Variants in CDH13 observed in about 807,000 individuals in gnomAD.
The protein encoded by CDH13 is cadherin 13.
A neutral mutation model predicts 63.8 loss-of-function variants in CDH13; 24 were observed. That is an observed-to-expected ratio of 0.38 (90% CI 0.27 to 0.53). CDH13 has a LOEUF of 0.53. CDH13 is among the 20% of genes least tolerant of loss of function. The pLI is 0.85. For synonymous variants in CDH13, 503 were observed against 355.3 expected, an observed-to-expected ratio of 1.42 and a Z score of -4.67; for missense variants, 1,049 against 903.1, an observed-to-expected ratio of 1.16 and a Z score of -2.07.
chr16:83,651,856 A>G (rs1157067743), intron 8 of CDH13, among the ~76,000 whole-genome samples: 1 of 151,982 alleles, frequency 6.6e-6, no homozygotes, highest in African/African-American at 2.4e-5. Context: ...CAGCCTCCCA[A>G]AGTGCTGGAA....
intron 2 of CDH13, among the ~76,000 whole-genome samples, chr16:82,979,891 G>T (rs1264248804): frequency 6.6e-6 from 1 of 152,158 alleles, no homozygotes; most frequent in African/African-American, 2.4e-5. Flanking sequence ...ACCATTTTAG[G>T]AAATCTTGGA....
At chr16:83,118,750 G>C (rs141645128) in intron 3 of CDH13, among the ~76,000 whole-genome samples, 114 of 152,152 alleles carry the variant, frequency 7.5e-4, no homozygotes, top group African/African-American at 2.7e-3. Flanking sequence ...TTACAGATGA[G>C]AAAATTTCCT....
chr16:82,805,396 A>T (rs2037090464), intron 1 of CDH13, among the ~76,000 whole-genome samples: 2 of 152,222 alleles, frequency 1.3e-5, no homozygotes, highest in Non-Finnish European at 2.9e-5. Context: ...TCCTTGTCTT[A>T]TCTCAGCTAT....
At chr16:82,675,871 C>T (rs757466820) in intron 1 of CDH13, among the ~76,000 whole-genome samples, 1 of 152,264 alleles carries the variant, frequency 6.6e-6, no homozygotes, top group Non-Finnish European at 1.5e-5. Flanking sequence ...TTGCTCTTTC[C>T]GCGCTAAGCA....
At chr16:83,427,156 C>T (rs1391220438) in intron 6 of CDH13, among the ~76,000 whole-genome samples, 7 of 151,760 alleles carry the variant, frequency 4.6e-5, no homozygotes, top group Non-Finnish European at 8.8e-5. Context: ...CCTGGTGATC[C>T]GCCTGCCTCA....
At chr16:82,734,226 G>A (rs2033553277) in intron 1 of CDH13, among the ~76,000 whole-genome samples, 1 of 152,196 alleles carries the variant, frequency 6.6e-6, no homozygotes, top group Non-Finnish European at 1.5e-5. Flanking sequence ...ATTAGTTTAT[G>A]CACTATCTGT....
chr16:82,711,489 G>T (rs1274054660), intron 1 of CDH13, among the ~76,000 whole-genome samples: 2 of 152,116 alleles, frequency 1.3e-5, no homozygotes, highest in African/African-American at 2.4e-5. Context: ...TCTGTTTTAG[G>T]CATGTGGGTT....
At chr16:83,415,129 A>T (rs2092181379) in intron 6 of CDH13, among the ~76,000 whole-genome samples, 1 of 152,038 alleles carries the variant, frequency 6.6e-6, no homozygotes, top group Non-Finnish European at 1.5e-5. Flanking sequence ...AGAGACCCCT[A>T]TGAACAGTTC....
chr16:82,957,765 A>G (rs1273228005), intron 2 of CDH13, among the ~76,000 whole-genome samples: 3 of 152,264 alleles, frequency 2.0e-5, no homozygotes, highest in Admixed American at 6.5e-5. Context: ...ATATCTAGAA[A>G]TTACCTAGGA....
At chr16:82,991,447 C>T (rs997075167) in intron 2 of CDH13, among the ~76,000 whole-genome samples, 1 of 152,158 alleles carries the variant, frequency 6.6e-6, no homozygotes, top group African/African-American at 2.4e-5. Flanking sequence ...ACACAGATTT[C>T]AACTCCTTCA....
At chr16:83,169,105 A>G (rs2037811024) in intron 4 of CDH13, among the ~76,000 whole-genome samples, 1 of 152,148 alleles carries the variant, frequency 6.6e-6, no homozygotes, top group Non-Finnish European at 1.5e-5. Context: ...GCAAAGAAAT[A>G]ACACTATGGT....
At chr16:82,967,501 C>T (rs1463482277) in intron 2 of CDH13, among the ~76,000 whole-genome samples, 1 of 152,174 alleles carries the variant, frequency 6.6e-6, no homozygotes, top group Non-Finnish European at 1.5e-5. Flanking sequence ...TAAGTGATTA[C>T]TCTGTATGTG....
chr16:83,709,915 A>T (rs570854754), intron 10 of CDH13, among the ~76,000 whole-genome samples: 1 of 152,246 alleles, frequency 6.6e-6, no homozygotes, highest in African/African-American at 2.4e-5. Flanking sequence ...TGTAGAAAGA[A>T]CAGAGATATT....
At chr16:83,526,274 G>A (rs867437201) in intron 7 of CDH13, among the ~76,000 whole-genome samples, 1 of 152,104 alleles carries the variant, frequency 6.6e-6, no homozygotes, top group African/African-American at 2.4e-5. Context: ...AAAAGTGCCA[G>A]CTCTCAAGCT....
At chr16:82,904,560 A>C (rs1402833945) in intron 2 of CDH13, among the ~76,000 whole-genome samples, 1 of 152,170 alleles carries the variant, frequency 6.6e-6, no homozygotes, top group African/African-American at 2.4e-5. Context: ...CCCCAACCTA[A>C]TACCTCCCAG....
At chr16:83,617,736 T>C (rs1034985852) in intron 8 of CDH13, among the ~76,000 whole-genome samples, 1 of 151,760 alleles carries the variant, frequency 6.6e-6, no homozygotes, top group Non-Finnish European at 1.5e-5. Flanking sequence ...ATATCTATTC[T>C]AATATGCACA....
chr16:83,665,743 T>A (rs946557219), intron 8 of CDH13, among the ~76,000 whole-genome samples: 7 of 152,248 alleles, frequency 4.6e-5, no homozygotes, highest in Non-Finnish European at 8.8e-5. Flanking sequence ...TCCTTTAAAC[T>A]TGTCCTCTGT....
At chr16:83,462,627 C>G in intron 6 of CDH13, among the ~76,000 whole-genome samples, 1 of 152,078 alleles carries the variant, frequency 6.6e-6, no homozygotes, top group East Asian at 1.9e-4. Flanking sequence ...GTGTGATGGC[C>G]CATGCCTGCA....
At chr16:83,027,849 C>G (rs1915961200) in intron 2 of CDH13, among the ~76,000 whole-genome samples, 1 of 152,172 alleles carries the variant, frequency 6.6e-6, no homozygotes, top group Admixed American at 6.5e-5. Flanking sequence ...TTTTCTCTGC[C>G]TAAGTAATAG....
Sources: allele counts gnomAD v4.1 joint callset (sites outside exome capture counted in the v4.1 genomes callset), GRCh38; gene constraint gnomAD v4.1.1; transcripts MANE v1.5; gene names NCBI Gene and HGNC (gene_info 2026-07-23, HGNC 2026-07-21).